The following SMAD1 variants were observed in gnomAD, a reference collection of about 807,000 sequenced individuals.
The protein encoded by SMAD1 is SMAD family member 1.
In SMAD1, 6 loss-of-function variants were observed where a neutral mutation model predicts 41.6. That is an observed-to-expected ratio of 0.14 (90% CI 0.08 to 0.28). The LOEUF (loss-of-function observed/expected upper bound fraction) is 0.28, where lower values mean the gene tolerates loss of function less well. SMAD1 is among the 10% of genes least tolerant of loss of function. The pLI is 1.00. For synonymous variants in SMAD1, 206 were observed against 203.2 expected, an observed-to-expected ratio of 1.01 and a Z score of -0.12; for missense variants, 379 against 582.6, an observed-to-expected ratio of 0.65 and a Z score of 3.60.
At chr4:145,504,399 A>G (rs1056761799) in intron 1 of SMAD1, among the ~76,000 whole-genome samples, 2 of 152,196 alleles carry the variant, frequency 1.3e-5, no homozygotes, top group African/African-American at 4.8e-5. Flanking sequence ...AGCAAATTTT[A>G]ACTTGTCTTT....
chr4:145,482,093 C>T lies in SMAD1; in HGVS notation c.-177+55C>T, dbSNP rs1167043019. On this transcript the variant is annotated intron_variant, in intron 1 of 6. Transcript: ENST00000302085. This position sits in a 1 kb window ranked among gnomAD's most constrained non-coding sequence, Gnocchi z 4.2. ...TCCCTTCATGCCGCGTCCCAGCCCT[C>T]CCCTCGGCGCCCCGGGCTTTCCAGC... 2 of 152,158 alleles carry T rather than the reference C, an allele frequency of 1.3e-5. No homozygotes were observed. The highest frequency in any genetic ancestry group is 2.9e-5 in the Non-Finnish European group (2 of 68,164). 9.4% of individuals were successfully genotyped at this position (152,158 alleles called of 1,614,324 possible). A position where few individuals can be genotyped will look rare whatever the true frequency, so the allele number is the denominator to read the frequency against.
At chr4:145,522,238 G>A (rs1730779998) in intron 2 of SMAD1, among the ~76,000 whole-genome samples, 1 of 152,090 alleles carries the variant, frequency 6.6e-6, no homozygotes, top group African/African-American at 2.4e-5. Flanking sequence ...GGTGGAGCTT[G>A]CAGTGAGCCG....
chr4:145,487,136 A>G (rs916632391), intron 1 of SMAD1, among the ~76,000 whole-genome samples: 8 of 152,198 alleles, frequency 5.3e-5, no homozygotes, highest in African/African-American at 1.9e-4. Context: ...AATTTAATCA[A>G]TGAGACCTTA....
In SMAD1 at chr4:145,514,503, A is replaced by G. The variant is rs908353024; in HGVS notation, c.-111A>G. The G allele has an allele frequency of 3.8e-6, 4 of 1,049,196 alleles. No individual in the cohort carries two copies. The highest frequency in any genetic ancestry group is 2.5e-5 in the East Asian group (1 of 39,830). 65.0% of individuals were successfully genotyped at this position (1,049,196 alleles called of 1,614,324 possible). ...TTTCTACTCTTCTGGACTTCAAACT[A>G]AGAAGTTAAAGAGACTTCTCTGTAA... On this transcript the variant is annotated 5_prime_UTR_variant, in exon 2 of 7. Coordinates refer to ENST00000302085, the MANE Select transcript of SMAD1 (RefSeq NM_005900.3). This position sits in a 1 kb window ranked among gnomAD's most constrained non-coding sequence, Gnocchi z 4.7.
At chr4:145,548,203 T>TTTAG (rs979549014) in intron 5 of SMAD1, among the ~76,000 whole-genome samples, 2 of 145,016 alleles carry the variant, frequency 1.4e-5, no homozygotes, top group African/African-American at 5.5e-5. Flanking sequence ...TTTACTTCAT[T>TTTAG]TTATTTATTT....
chr4:145,552,871 T>A (rs894133218), intron 5 of SMAD1, among the ~76,000 whole-genome samples: 1 of 151,648 alleles, frequency 6.6e-6, no homozygotes, highest in Non-Finnish European at 1.5e-5. Flanking sequence ...CATTAATCAC[T>A]TACCAAAATG....
intron 1 of SMAD1, among the ~76,000 whole-genome samples, chr4:145,510,832 A>G (rs531535188): frequency 6.6e-6 from 1 of 152,182 alleles, no homozygotes; most frequent in East Asian, 1.9e-4. Flanking sequence ...TTTGCCTGTC[A>G]TTGTAATTGT....
rs752990216 is a variant in SMAD1 at position 145,557,778 on chromosome 4, A to G, written c.1255-13A>G. 1 of 1,597,254 alleles carries G rather than the reference A, an allele frequency of 6.3e-7. No individual in the cohort carries two copies. Among genetic ancestry groups the G allele is most frequent in the Admixed American group, 1.7e-5 (1 of 58,318 alleles). On this transcript the variant is annotated splice_polypyrimidine_tract_variant and intron_variant, in intron 6 of 6. Coordinates refer to ENST00000302085, the MANE Select transcript of SMAD1 (RefSeq NM_005900.3). Reference sequence around the variant, plus strand: ...TTAAACAAGTTAAATGACCTCCAGTATGTTTTTCCTAGGGCTGGGGAGCAG... The same window carrying G: ...TTAAACAAGTTAAATGACCTCCAGTGTGTTTTTCCTAGGGCTGGGGAGCAG...
chr4:145,545,130 T>C (rs1360261321), intron 4 of SMAD1: 1 of 151,898 alleles, frequency 6.6e-6, no homozygotes, highest in Non-Finnish European at 1.5e-5. Context: ...CACAGGCCAA[T>C]TCAGCCTGCT....
rs931857465 is a variant in SMAD1 at position 145,540,192 on chromosome 4, T to A, written c.658+131T>A. On this transcript the variant is annotated intron_variant, in intron 3 of 6. Coordinates refer to ENST00000302085, the MANE Select transcript of SMAD1 (RefSeq NM_005900.3). ...GGTATATGACATAGTGCTCTCGCAC[T>A]TTTAGGATACAACTTTTGGTGAAAG... The A allele has an allele frequency of 1.6e-5, 16 of 991,548 alleles. No individual in the cohort carries two copies. In the Admixed American group the frequency reaches 3.0e-4, roughly 19 times the overall value. The allele number at this position is 991,548 out of a possible 1,614,324, so 61.4% of individuals were successfully genotyped here.
intron 1 of SMAD1, chr4:145,497,005 G>T (rs890252263): frequency 5.3e-5 from 8 of 152,100 alleles, no homozygotes; most frequent in Non-Finnish European, 1.2e-4. Context: ...AAACACTATA[G>T]TTAACCGTCA....
chr4:145,487,446 CA>C (rs1159879151), intron 1 of SMAD1, among the ~76,000 whole-genome samples: 1 of 152,054 alleles, frequency 6.6e-6, no homozygotes, highest in Admixed American at 6.6e-5. Flanking sequence ...TCTTTGGTAC[CA>C]AGATTTTAGG....
At chr4:145,554,865 G>A (rs1732753427) in intron 6 of SMAD1, among the ~76,000 whole-genome samples, 1 of 152,144 alleles carries the variant, frequency 6.6e-6, no homozygotes, top group South Asian at 2.1e-4. Context: ...ATATGTTTGA[G>A]TGAGGCAATT....
intron 2 of SMAD1, among the ~76,000 whole-genome samples, chr4:145,535,215 G>A (rs1481730424): frequency 1.3e-5 from 2 of 152,244 alleles, no homozygotes; most frequent in South Asian, 2.1e-4. Flanking sequence ...ATTCTGGAAG[G>A]TATGGGAAAA....
In SMAD1 at chr4:145,518,143, T is replaced by C; in HGVS notation, c.400+3130T>C. On this transcript the variant is annotated intron_variant, in intron 2 of 6. Coordinates refer to ENST00000302085, the MANE Select transcript of SMAD1 (RefSeq NM_005900.3). Reference sequence around the variant, plus strand: ...GCAGCCAGATGTGGTGGTACATGCCTGTAGTCTCAGCTACTCAGGAGGCTG... The same window carrying C: ...GCAGCCAGATGTGGTGGTACATGCCCGTAGTCTCAGCTACTCAGGAGGCTG... Among the ~76,000 whole-genome samples the C allele has an allele frequency of 1.6e-5, 2 of 125,976 alleles. 1 individual carries two copies. Among genetic ancestry groups the C allele is most frequent in the Non-Finnish European group, 3.9e-5 (2 of 51,136 alleles). 82.6% of individuals were successfully genotyped at this position (125,976 alleles called of 152,430 possible).
upstream of SMAD1, chr4:145,481,771 G>GT (rs1728183811): frequency 5.0e-6 from 1 of 198,350 alleles, no homozygotes; most frequent in Non-Finnish European, 1.0e-5. Context: ...GTGAGCGGGC[G>GT]GGCGGGCAGG....
intron 1 of SMAD1, among the ~76,000 whole-genome samples, chr4:145,492,364 G>T (rs1315112368): frequency 6.6e-6 from 1 of 152,160 alleles, no homozygotes; most frequent in African/African-American, 2.4e-5. Flanking sequence ...CCGCTCTTTG[G>T]ATTCAATTAA....
intron 2 of SMAD1, among the ~76,000 whole-genome samples, chr4:145,531,214 A>G (rs945173849): frequency 6.6e-6 from 1 of 150,824 alleles, no homozygotes; most frequent in Admixed American, 6.6e-5. Flanking sequence ...TCCCTGACAT[A>G]TGCTGAGGTA....
rs751680168 is a variant in SMAD1, at chr4:145,528,107, AT to A, written c.401-11683del. Among the ~76,000 whole-genome samples, 677 of 133,640 alleles carry A rather than the reference AT, an allele frequency of 5.1e-3. 3 individuals carry two copies. The highest frequency in any genetic ancestry group is 0.015 in the African/African-American group (530 of 35,096). 87.7% of individuals were successfully genotyped at this position (133,640 alleles called of 152,430 possible). A position where few individuals can be genotyped will look rare whatever the true frequency, so the allele number is the denominator to read the frequency against. ...CACACACACACATACACACACATAT[AT>A]TTTTTTTTTTTTTGAAATTGAGTCT... is the stretch of plus-strand genomic sequence containing the variant. On this transcript the variant is annotated intron_variant, in intron 2 of 6. Transcript: ENST00000302085.
Sources: gnomAD v4.1 joint callset for allele counts (sites outside exome capture counted in the v4.1 genomes callset) on GRCh38, gnomAD v4.1.1 for gene constraint, Gnocchi (gnomAD v3.1) non-coding constraint, MANE v1.5 for transcripts, NCBI Gene and HGNC (gene_info 2026-07-23, HGNC 2026-07-21) for gene names.